The following TENM3 variants were observed in gnomAD, a reference collection of about 807,000 sequenced individuals.
The protein encoded by TENM3 is teneurin-3.
TENM3 carries 63 observed loss-of-function variants against 255.1 expected under a neutral mutation model. The observed-to-expected ratio is 0.25, with a 90% CI of 0.20 to 0.30. The LOEUF (loss-of-function observed/expected upper bound fraction) is 0.30. Among genes scored for constraint, TENM3 ranks in the 10% least tolerant of loss-of-function variants. TENM3 has a pLI of 1.00. For synonymous variants in TENM3, 1,306 were observed against 1,322.3 expected (o/e 0.99, Z 0.27); for missense variants, 2,929 against 3,461.1 (o/e 0.85, Z 3.86).
At chr4:181,581,158 C>T in the TENM3 span, among the ~76,000 whole-genome samples, 6 of 152,138 alleles carry the variant, frequency 3.9e-5, no homozygotes, top group South Asian at 2.1e-4. Flanking sequence ...AAAAACAGTT[C>T]GAATGGGTGC....
At chr4:181,925,863 A>C in the TENM3 span, among the ~76,000 whole-genome samples, 2 of 152,210 alleles carry the variant, frequency 1.3e-5, no homozygotes, top group African/African-American at 4.8e-5. Context: ...CTTGATTCAG[A>C]AGGTGGAATA....
the TENM3 span, among the ~76,000 whole-genome samples, chr4:181,579,133 C>T: frequency 2.0e-5 from 3 of 152,072 alleles, no homozygotes; most frequent in African/African-American, 4.8e-5. Flanking sequence ...CAGGAAGAAG[C>T]GGACTCTGGC....
At chr4:182,153,288 G>A (rs1177402160) in intron 1 of TENM3, among the ~76,000 whole-genome samples, 1 of 151,986 alleles carries the variant, frequency 6.6e-6, no homozygotes, top group Non-Finnish European at 1.5e-5. Flanking sequence ...AGAATATCAT[G>A]AATATACAAT....
At chr4:181,898,139 T>C in the TENM3 span, among the ~76,000 whole-genome samples, 4 of 152,184 alleles carry the variant, frequency 2.6e-5, no homozygotes, top group Non-Finnish European at 5.9e-5. Flanking sequence ...TCCAACTTCA[T>C]TGAAAAGAGA....
At chr4:182,440,922 A>G (rs1705556053) in intron 3 of TENM3, among the ~76,000 whole-genome samples, 1 of 151,934 alleles carries the variant, frequency 6.6e-6, no homozygotes, top group African/African-American at 2.4e-5. Flanking sequence ...ATATTATCCC[A>G]TCACCCAGGT....
the TENM3 span, among the ~76,000 whole-genome samples, chr4:181,768,720 C>T: frequency 6.6e-6 from 1 of 152,058 alleles, no homozygotes; most frequent in Non-Finnish European, 1.5e-5. Context: ...TGGCTACATT[C>T]CTATCAAAGA....
intron 3 of TENM3, among the ~76,000 whole-genome samples, chr4:182,384,720 T>C (rs373324232): frequency 2.2e-4 from 34 of 152,252 alleles, no homozygotes; most frequent in African/African-American, 7.9e-4. Flanking sequence ...CCCTTGTCTC[T>C]GCGATTTCCT....
In TENM3 at chr4:182,688,214, C is replaced by G; in HGVS notation, c.2084C>G (p.Thr695Arg). The G allele has an allele frequency of 6.2e-7, 1 of 1,613,754 alleles. No homozygotes were observed. The highest frequency in any genetic ancestry group is 8.5e-7 in the Non-Finnish European group (1 of 1,179,816). The change falls in exon 12 of 28, where the codon ACG becomes AGG. Residue 695 changes from threonine to arginine, a missense_variant. By Grantham distance (71) the Thr-to-Arg change is moderately conservative. Around this residue, in one of 6 missense-constraint regions of TENM3, gnomAD observed 1,608 missense variants for 1,884.4 expected, o/e 0.85. Coordinates refer to ENST00000511685, the MANE Select transcript of TENM3 (RefSeq NM_001080477.4). ...TCACACGGCGTTTGCATGGGGGGGA[C>G]GTGTCGCTGTGAAGAAGGCTGGACG... ...CGSHGVCMGG[T>R]CRCEEGWTGP... is the part of the protein sequence containing the mutation.
chr4:181,871,423 G>A, the TENM3 span, among the ~76,000 whole-genome samples: 1 of 151,802 alleles, frequency 6.6e-6, no homozygotes, highest in African/African-American at 2.4e-5. Flanking sequence ...ATAATATTTT[G>A]TATTTTTTAG....
the TENM3 span, among the ~76,000 whole-genome samples, chr4:181,919,870 C>T: frequency 3.5e-5 from 5 of 142,614 alleles, no homozygotes; most frequent in Non-Finnish European, 7.7e-5. Context: ...TCTCCTAATG[C>T]TATCCCTCCC....
chr4:182,474,599 C>A (rs1733486739), intron 3 of TENM3, among the ~76,000 whole-genome samples: 1 of 152,122 alleles, frequency 6.6e-6, no homozygotes, highest in Non-Finnish European at 1.5e-5. Flanking sequence ...TCCCAAACAT[C>A]CTTTTTAAGC....
At chr4:182,508,326 TC>T (rs1737046344) in intron 3 of TENM3, among the ~76,000 whole-genome samples, 1 of 152,300 alleles carries the variant, frequency 6.6e-6, no homozygotes, top group East Asian at 1.9e-4. Context: ...AAGTAACTAT[TC>T]CTATAAGAGT....
chr4:181,498,623 G>A, the TENM3 span, among the ~76,000 whole-genome samples: 2 of 152,162 alleles, frequency 1.3e-5, no homozygotes, highest in Admixed American at 6.5e-5. Flanking sequence ...TTGCTCCAGC[G>A]TTTAGAGTCA....
intron 3 of TENM3, among the ~76,000 whole-genome samples, chr4:182,415,587 T>G (rs992601311): frequency 5.9e-5 from 9 of 152,154 alleles, no homozygotes; most frequent in African/African-American, 1.2e-4. Flanking sequence ...CATTAAAAAT[T>G]TTAAACTAAT....
the TENM3 span, among the ~76,000 whole-genome samples, chr4:181,888,504 A>ATATATATATATATATACACATATATGTG: frequency 4.3e-5 from 1 of 23,430 alleles, no homozygotes; most frequent in African/African-American, 1.6e-4. Flanking sequence ...GTATATATAT[A>ATATATATATATATATACACATATATGTG]TATATATATA....
the TENM3 span, among the ~76,000 whole-genome samples, chr4:181,706,238 T>G: frequency 6.6e-6 from 1 of 152,172 alleles, no homozygotes; most frequent in African/African-American, 2.4e-5. Context: ...ACCAGTCATA[T>G]TGGATTAAGG....
chr4:182,191,478 C>T (rs1369836102), intron 1 of TENM3, among the ~76,000 whole-genome samples: 1 of 152,086 alleles, frequency 6.6e-6, no homozygotes, highest in Non-Finnish European at 1.5e-5. Flanking sequence ...GCAGATCATC[C>T]GTCCCATTGC....
the TENM3 span, among the ~76,000 whole-genome samples, chr4:181,656,506 C>T: frequency 3.9e-5 from 6 of 152,144 alleles, 1 homozygote; most frequent in East Asian, 1.9e-4. Flanking sequence ...TGATGACTGA[C>T]ATTCAGAACA....
chr4:182,707,514 G>A (rs1758370126), intron 12 of TENM3, among the ~76,000 whole-genome samples: 1 of 152,018 alleles, frequency 6.6e-6, no homozygotes, highest in Admixed American at 6.6e-5. Context: ...GGCAATTAGG[G>A]GCTTTACAAA....
Sources: gnomAD v4.1 joint callset for allele counts (sites outside exome capture counted in the v4.1 genomes callset) on GRCh38, gnomAD v4.1.1 for gene constraint, gnomAD v4.1.1 regional missense constraint, MANE v1.5 for transcripts, NCBI Gene and HGNC (gene_info 2026-07-23, HGNC 2026-07-21) for gene names.